The following UNC5C variants were observed in gnomAD, a reference collection of about 807,000 sequenced individuals.
UNC5C encodes the protein unc-5 netrin receptor C, also known as netrin receptor UNC5C.
In UNC5C, 47 loss-of-function variants were observed where a neutral mutation model predicts 99.8. The ratio of observed to expected loss-of-function variants is 0.47; its 90% CI spans 0.37 to 0.60. UNC5C has a LOEUF of 0.60. Ranked by LOEUF, UNC5C falls within the 20% of genes least tolerant of loss-of-function variation. UNC5C has a pLI of 0.00. For synonymous variants in UNC5C, 487 were observed against 452.2 expected (o/e 1.08, Z -0.98); for missense variants, 1,062 against 1,165.9 (o/e 0.91, Z 1.30).
intron 14 of UNC5C, among the ~76,000 whole-genome samples, chr4:95,180,250 A>G (rs1478382254): frequency 1.3e-5 from 2 of 152,232 alleles, no homozygotes; most frequent in South Asian, 2.1e-4. Context: ...GGCCCTATCT[A>G]TCTCCATGGA....
chr4:95,445,978 A>AAAAC (rs1296529908), intron 1 of UNC5C, among the ~76,000 whole-genome samples: 2 of 152,004 alleles, frequency 1.3e-5, no homozygotes, highest in South Asian at 4.2e-4. Context: ...AAAACAAAAC[A>AAAAC]AAACAAACAA....
chr4:95,489,149 G>T (rs922928608), intron 1 of UNC5C, among the ~76,000 whole-genome samples: 1 of 149,918 alleles, frequency 6.7e-6, no homozygotes. Context: ...GAAGAAAGAA[G>T]GAAGGAAGGA....
chr4:95,174,197 T>C (rs1031492736), intron 14 of UNC5C, among the ~76,000 whole-genome samples: 4 of 152,218 alleles, frequency 2.6e-5, no homozygotes, highest in African/African-American at 9.7e-5. Context: ...AACCAGCTAC[T>C]GGATTCATTA....
chr4:95,319,721 C>T (rs980970946), intron 2 of UNC5C, among the ~76,000 whole-genome samples: 7 of 152,116 alleles, frequency 4.6e-5, no homozygotes, highest in Non-Finnish European at 1.0e-4. Flanking sequence ...GTCCTCCCAA[C>T]TCAAGGGTTC....
At chr4:95,256,792 G>A (rs191874822) in intron 4 of UNC5C, among the ~76,000 whole-genome samples, 115 of 150,184 alleles carry the variant, frequency 7.7e-4, no homozygotes, top group Non-Finnish European at 1.9e-4. Context: ...AAGGAGCAAG[G>A]AGAGCCAATC....
chr4:95,259,172 C>T (rs1304228781), intron 4 of UNC5C, among the ~76,000 whole-genome samples: 1 of 152,094 alleles, frequency 6.6e-6, no homozygotes, highest in Non-Finnish European at 1.5e-5. Flanking sequence ...GTTTATGTCT[C>T]CCGTGGGCAA....
chr4:95,305,557 A>G lies in UNC5C; in HGVS notation c.347-3808T>C, dbSNP rs893768910. 9.9e-5 allele frequency among the ~76,000 whole-genome samples: 15 copies of G among 152,110 alleles called. No homozygotes were observed. In the East Asian group the frequency reaches 2.9e-3, roughly 29 times the overall value. ...GTTTCAGGTTATTTAAGGGTGGGGGAAATGCTTTGGTCTACAGGACTTACT... is the reference window on the plus strand; with the variant it reads ...GTTTCAGGTTATTTAAGGGTGGGGGGAATGCTTTGGTCTACAGGACTTACT... On this transcript the variant is annotated intron_variant, in intron 2 of 15. Coordinates refer to ENST00000453304, the MANE Select transcript of UNC5C (RefSeq NM_003728.4).
rs1422614933 is a variant in UNC5C at position 95,242,679 on chromosome 4, A to G, written c.944-86T>C. 2.2e-6 allele frequency: 3 copies of G among 1,381,424 alleles called. No individual in the cohort carries two copies. The African/African-American group carries it at 4.4e-5, about 20-fold the overall frequency. 85.6% of individuals were successfully genotyped at this position (1,381,424 alleles called of 1,614,324 possible). A position where few individuals can be genotyped will look rare whatever the true frequency, so the allele number is the denominator to read the frequency against. On this transcript the variant is annotated intron_variant, in intron 6 of 15. Transcript: ENST00000453304. ...CAGAGCTCAAATATAATACAACAAA[A>G]CAAAACAAGAACAAGCATGCCCTAC...
intron 2 of UNC5C, among the ~76,000 whole-genome samples, chr4:95,330,237 T>C (rs1005578590): frequency 1.3e-5 from 2 of 152,052 alleles, no homozygotes; most frequent in Non-Finnish European, 2.9e-5. Flanking sequence ...TTATAATGAG[T>C]TGGGTTTTCC....
At chr4:95,371,867 T>G (rs1186237939) in intron 1 of UNC5C, among the ~76,000 whole-genome samples, 1 of 152,170 alleles carries the variant, frequency 6.6e-6, no homozygotes, top group Non-Finnish European at 1.5e-5. Flanking sequence ...GCAATAACCC[T>G]TACTAACTTT....
intron 2 of UNC5C, among the ~76,000 whole-genome samples, chr4:95,303,842 T>C (rs1741964328): frequency 6.6e-6 from 1 of 152,206 alleles, no homozygotes; most frequent in Admixed American, 6.5e-5. Flanking sequence ...TGTATGTGTA[T>C]TCAATTCTTT....
At chr4:95,543,789 A>T (rs1238139068) in intron 1 of UNC5C, among the ~76,000 whole-genome samples, 1 of 152,190 alleles carries the variant, frequency 6.6e-6, no homozygotes, top group Non-Finnish European at 1.5e-5. Flanking sequence ...GGAGTGACTT[A>T]ACGTGTCATT....
chr4:95,241,784 G>T (rs1160184677), intron 7 of UNC5C, among the ~76,000 whole-genome samples: 2 of 151,906 alleles, frequency 1.3e-5, no homozygotes, highest in African/African-American at 4.8e-5. Context: ...AAAGAACAAA[G>T]ACGTGAAAAA....
intron 7 of UNC5C, among the ~76,000 whole-genome samples, chr4:95,240,842 T>A (rs942837717): frequency 2.0e-5 from 3 of 152,224 alleles, no homozygotes; most frequent in African/African-American, 7.2e-5. Flanking sequence ...GTATTTGTCA[T>A]AATTTAAAAT....
intron 1 of UNC5C, among the ~76,000 whole-genome samples, chr4:95,467,922 T>C (rs150139399): frequency 6.6e-6 from 1 of 152,212 alleles, no homozygotes; most frequent in East Asian, 1.9e-4. Flanking sequence ...AGAAAATATC[T>C]TTACTACTCA....
rs546108726 is a variant in UNC5C, at chr4:95,299,529, G to A, written c.490+2077C>T. Among the ~76,000 whole-genome samples the A allele has an allele frequency of 7.2e-5, 11 of 152,286 alleles. No homozygotes were observed. In the South Asian group the frequency reaches 1.5e-3, roughly 20 times the overall value. Reference sequence around the variant, plus strand: ...CAGGAATGGAGGCAAGATGAGAGGTGTATTCATCTGTTCTCATGCTGCTAA... The same window carrying A: ...CAGGAATGGAGGCAAGATGAGAGGTATATTCATCTGTTCTCATGCTGCTAA... On this transcript the variant is annotated intron_variant, in intron 3 of 15. Coordinates refer to ENST00000453304, the MANE Select transcript of UNC5C (RefSeq NM_003728.4).
chr4:95,169,000 A>G lies in UNC5C; in HGVS notation c.*234T>C, dbSNP rs1238060298. 9 of 517,246 alleles carry G rather than the reference A, an allele frequency of 1.7e-5. No individual in the cohort carries two copies. The highest frequency in any genetic ancestry group is 3.1e-5 in the Non-Finnish European group (9 of 292,346). 32.0% of individuals were successfully genotyped at this position (517,246 alleles called of 1,614,324 possible). On this transcript the variant is annotated 3_prime_UTR_variant, in exon 16 of 16. Coordinates refer to ENST00000453304, the MANE Select transcript of UNC5C (RefSeq NM_003728.4). The stretch of plus-strand genomic sequence containing the variant: ...CCCAACTAAGAGGAAAATTAGGTTG[A>G]TAGCTAAATTCAAGGTACAAATTTA...
chr4:95,171,322 C>T (rs577940185), intron 14 of UNC5C, among the ~76,000 whole-genome samples: 39 of 150,998 alleles, frequency 2.6e-4, no homozygotes, highest in East Asian at 1.8e-3. Context: ...CATGCTGGTG[C>T]GCTGCACCCA....
intron 1 of UNC5C, among the ~76,000 whole-genome samples, chr4:95,412,625 C>T (rs1486178037): frequency 6.6e-6 from 1 of 152,200 alleles, no homozygotes; most frequent in Non-Finnish European, 1.5e-5. Context: ...AGTCAATTGT[C>T]TCCCCCACAA....
Sources: gnomAD v4.1 joint callset for allele counts (sites outside exome capture counted in the v4.1 genomes callset) on GRCh38, gnomAD v4.1.1 for gene constraint, MANE v1.5 for transcripts, NCBI Gene and HGNC (gene_info 2026-07-23, HGNC 2026-07-21) for gene names.